ROBO2: variants seen among roughly 807,000 people sequenced by gnomAD.
ROBO2 encodes the protein roundabout guidance receptor 2.
A neutral mutation model predicts 160.8 loss-of-function variants in ROBO2; 53 were observed. The ratio of observed to expected loss-of-function variants is 0.33; its 90% CI spans 0.26 to 0.41. The LOEUF is 0.41. Among genes scored for constraint, ROBO2 ranks in the 10% least tolerant of loss-of-function variants. The probability of loss-of-function intolerance (pLI) is 1.00; values close to 1 mark genes in which losing one functional copy is unlikely to be tolerated. For synonymous variants in ROBO2, 664 were observed against 611.7 expected, an observed-to-expected ratio of 1.09 and a Z score of -1.26; for missense variants, 1,577 against 1,722.4, an observed-to-expected ratio of 0.92 and a Z score of 1.49.
chr3:76,004,290 G>T (rs1025223555), intron 2 of ROBO2, among the ~76,000 whole-genome samples: 1 of 152,102 alleles, frequency 6.6e-6, no homozygotes. Context: ...AGGCTACATA[G>T]TATATGATTC....
At chr3:76,380,830 G>A (rs535782296) in intron 2 of ROBO2, among the ~76,000 whole-genome samples, 14 of 152,162 alleles carry the variant, frequency 9.2e-5, no homozygotes, top group East Asian at 7.7e-4. Context: ...TAAGATATAT[G>A]AAGAAAGGTA....
intron 2 of ROBO2, among the ~76,000 whole-genome samples, chr3:77,190,253 GT>G (rs1282653011): frequency 1.3e-5 from 2 of 151,938 alleles, no homozygotes; most frequent in Non-Finnish European, 2.9e-5. Flanking sequence ...AAATTGGATA[GT>G]TATCTCAAAG....
intron 2 of ROBO2, among the ~76,000 whole-genome samples, chr3:77,115,623 G>A (rs578209569): frequency 1.1e-4 from 16 of 152,202 alleles, no homozygotes; most frequent in African/African-American, 3.6e-4. Flanking sequence ...TCATTACTCC[G>A]TGAACTAACC....
chr3:76,042,423 A>G (rs946699006), intron 2 of ROBO2, among the ~76,000 whole-genome samples: 4 of 152,062 alleles, frequency 2.6e-5, no homozygotes, highest in Non-Finnish European at 1.5e-5. Context: ...TTTAAAGACT[A>G]TGTGACACTT....
chr3:76,921,648 G>A (rs1036440116), intron 2 of ROBO2, among the ~76,000 whole-genome samples: 3 of 152,060 alleles, frequency 2.0e-5, no homozygotes, highest in Non-Finnish European at 4.4e-5. Context: ...TATTTGCAGT[G>A]TTATTTTTAA....
chr3:76,941,400 A>G (rs917266508), intron 2 of ROBO2, among the ~76,000 whole-genome samples: 1 of 152,126 alleles, frequency 6.6e-6, no homozygotes, highest in Non-Finnish European at 1.5e-5. Flanking sequence ...AGTATACCCC[A>G]CTATAATACA....
intron 2 of ROBO2, among the ~76,000 whole-genome samples, chr3:77,129,834 C>A (rs1335990318): frequency 2.0e-5 from 3 of 152,042 alleles, no homozygotes; most frequent in African/African-American, 7.2e-5. Context: ...TGACCATGAC[C>A]CTTTTTTTGG....
At chr3:76,859,616 C>A (rs1158382452) in intron 2 of ROBO2, among the ~76,000 whole-genome samples, 1 of 152,186 alleles carries the variant, frequency 6.6e-6, no homozygotes, top group Non-Finnish European at 1.5e-5. Flanking sequence ...AGAGCCCCAC[C>A]ATCGGGGACC....
intron 2 of ROBO2, among the ~76,000 whole-genome samples, chr3:77,369,778 T>A (rs2071468803): frequency 6.6e-6 from 1 of 152,212 alleles, no homozygotes; most frequent in African/African-American, 2.4e-5. Context: ...CCAAATGGTG[T>A]AGGGTTCTCT....
chr3:77,452,107 T>C (rs534111921), intron 2 of ROBO2, among the ~76,000 whole-genome samples: 1 of 152,256 alleles, frequency 6.6e-6, no homozygotes, highest in African/African-American at 2.4e-5. Flanking sequence ...GCTTCCATCT[T>C]TCCCCCTAGA....
intron 2 of ROBO2, among the ~76,000 whole-genome samples, chr3:76,165,542 C>T (rs2072804165): frequency 6.6e-6 from 1 of 152,120 alleles, no homozygotes; most frequent in South Asian, 2.1e-4. Flanking sequence ...TGGAGTAGCA[C>T]TTTAAATTTT....
chr3:76,654,612 G>T (rs142674645), intron 2 of ROBO2, among the ~76,000 whole-genome samples: 1 of 152,046 alleles, frequency 6.6e-6, no homozygotes, highest in Non-Finnish European at 1.5e-5. Flanking sequence ...CATTCGGCAT[G>T]CTGGGGTAAT....
rs548669715 is a variant in ROBO2, at chr3:77,536,788, G to A, written c.935-9550G>A. 4.6e-5 allele frequency among the ~76,000 whole-genome samples: 7 copies of A among 152,206 alleles called. No homozygotes were observed. In the East Asian group the frequency reaches 7.7e-4, roughly 17 times the overall value. On this transcript the variant is annotated intron_variant, in intron 6 of 25. Coordinates refer to ENST00000461745, the Ensembl canonical transcript of ROBO2. Reference sequence around the variant, plus strand: ...TTGTAGAAATTTATTACTGTGGTACGTTCCAGTAATATTTTGCCTTCAAAA... The same window carrying A: ...TTGTAGAAATTTATTACTGTGGTACATTCCAGTAATATTTTGCCTTCAAAA...
At chr3:75,957,762 GTCC>G (rs1471842791) in intron 2 of ROBO2, among the ~76,000 whole-genome samples, 44 of 149,150 alleles carry the variant, frequency 3.0e-4, no homozygotes, top group Admixed American at 2.8e-3. Context: ...TTTTGTCTTT[GTCC>G]TCCTCTCTAC....
rs150872443 is a variant in ROBO2 at position 76,677,155 on chromosome 3, A to ACC, written c.110-420859_110-420858insCC. 2.0e-3 allele frequency among the ~76,000 whole-genome samples: 298 copies of ACC among 152,266 alleles called. 4 individuals carry two copies. In the East Asian group the frequency reaches 0.023, roughly 12 times the overall value. On this transcript the variant is annotated intron_variant, in intron 2 of 26. Transcript: ENST00000487694. Reference sequence around the variant, plus strand: ...TATAACAACATTCCTTAATGGAAGTATCACTATGTACCCAAACAGTGTACC... The same window carrying ACC: ...TATAACAACATTCCTTAATGGAAGTACCTCACTATGTACCCAAACAGTGTACC...
At chr3:77,139,223 A>G (rs1161541417) in intron 2 of ROBO2, among the ~76,000 whole-genome samples, 1 of 152,168 alleles carries the variant, frequency 6.6e-6, no homozygotes, top group African/African-American at 2.4e-5. Flanking sequence ...AAATTCCCTG[A>G]TTAAAAAAAA....
At chr3:76,876,410 C>T (rs1249999566) in intron 2 of ROBO2, among the ~76,000 whole-genome samples, 2 of 152,196 alleles carry the variant, frequency 1.3e-5, no homozygotes, top group African/African-American at 2.4e-5. Context: ...CATGGTGGCT[C>T]ATGCCTGTAA....
intron 2 of ROBO2, among the ~76,000 whole-genome samples, chr3:76,167,101 C>G (rs542542712): frequency 1.3e-5 from 2 of 151,934 alleles, no homozygotes; most frequent in Non-Finnish European, 2.9e-5. Context: ...CCACCACGCC[C>G]GGTTAATTTT....
At chr3:75,940,546 G>T (rs1272408364) in intron 2 of ROBO2, among the ~76,000 whole-genome samples, 1 of 152,052 alleles carries the variant, frequency 6.6e-6, no homozygotes, top group East Asian at 1.9e-4. Context: ...GACTCTGTCT[G>T]TGTCTATGCT....
Sources: gnomAD v4.1 joint callset for allele counts (sites outside exome capture counted in the v4.1 genomes callset) on GRCh38, gnomAD v4.1.1 for gene constraint, MANE v1.5 for transcripts, NCBI Gene and HGNC (gene_info 2026-07-23, HGNC 2026-07-21) for gene names.